Variants in SERGEF observed in about 807,000 individuals in gnomAD.
The protein encoded by SERGEF is secretion regulating guanine nucleotide exchange factor.
Under a neutral mutation model 50.0 loss-of-function variants are expected in SERGEF, and 51 were observed. The observed-to-expected ratio is 1.02, with a 90% confidence interval of 0.81 to 1.29. SERGEF has a LOEUF of 1.29. Among genes scored for constraint, SERGEF ranks in the 50% most tolerant of loss-of-function variants. The pLI is 0.00. For synonymous variants in SERGEF, 205 were observed against 212.4 expected, an observed-to-expected ratio of 0.97 and a Z score of 0.30; for missense variants, 521 against 557.0, an observed-to-expected ratio of 0.94 and a Z score of 0.65.
intron 9 of SERGEF, among the ~76,000 whole-genome samples, chr11:17,930,338 A>C (rs1228426067): frequency 6.6e-6 from 1 of 152,172 alleles, no homozygotes; most frequent in Admixed American, 6.5e-5. Context: ...ATTCTATCAG[A>C]ACTTATCAAA....
chr11:17,999,389 G>GTGCATC, intron 5 of SERGEF: 1 of 315,042 alleles, frequency 3.2e-6, no homozygotes, highest in Non-Finnish European at 6.2e-6. Flanking sequence ...GCAGCTGCAT[G>GTGCATC]TGCATCTGCA....
chr11:17,865,638 AATTT>A (rs1317110577), intron 10 of SERGEF, among the ~76,000 whole-genome samples: 9 of 152,188 alleles, frequency 5.9e-5, no homozygotes, highest in African/African-American at 2.2e-4. Flanking sequence ...TAATAATAAT[AATTT>A]AAGAAATAGA....
chr11:17,907,118 G>A (rs1851861201), intron 9 of SERGEF, among the ~76,000 whole-genome samples: 1 of 143,116 alleles, frequency 7.0e-6, no homozygotes, highest in Admixed American at 7.2e-5. Context: ...AAAACATCCT[G>A]TGAGTCTCTT....
chr11:17,831,044 T>G (rs1331557366), intron 10 of SERGEF, among the ~76,000 whole-genome samples: 2 of 152,198 alleles, frequency 1.3e-5, no homozygotes, highest in African/African-American at 4.8e-5. Context: ...CACGGTAAAC[T>G]GAATATATAA....
At chr11:18,009,567 T>C (rs1346810651) in intron 1 of SERGEF, among the ~76,000 whole-genome samples, 1 of 152,204 alleles carries the variant, frequency 6.6e-6, no homozygotes, top group Non-Finnish European at 1.5e-5. Context: ...ATTTCTTGCC[T>C]TAAAGCAAGG....
intron 10 of SERGEF, among the ~76,000 whole-genome samples, chr11:17,801,729 G>C (rs1192504736): frequency 6.6e-6 from 1 of 152,168 alleles, no homozygotes; most frequent in African/African-American, 2.4e-5. Context: ...GTGAGCCTAA[G>C]AGATGATAAA....
chr11:17,808,760 C>T (rs1849812052), intron 10 of SERGEF, among the ~76,000 whole-genome samples: 2 of 152,220 alleles, frequency 1.3e-5, no homozygotes, highest in African/African-American at 4.8e-5. Context: ...CAGCAGGGGC[C>T]AACTTCGTAG....
chr11:17,830,765 C>T (rs1850294110), intron 10 of SERGEF, among the ~76,000 whole-genome samples: 1 of 148,688 alleles, frequency 6.7e-6, no homozygotes, highest in Non-Finnish European at 1.5e-5. Context: ...AAGGGCAGAC[C>T]TAAACACCTC....
intron 8 of SERGEF, among the ~76,000 whole-genome samples, chr11:17,977,737 T>C (rs988220044): frequency 2.0e-5 from 3 of 151,966 alleles, no homozygotes; most frequent in South Asian, 2.1e-4. Context: ...AATGGGATCA[T>C]TGGCCTTATA....
chr11:17,793,716 C>T (rs144004927), intron 10 of SERGEF, among the ~76,000 whole-genome samples: 10 of 152,368 alleles, frequency 6.6e-5, no homozygotes, highest in African/African-American at 2.2e-4. Flanking sequence ...ACCTGGTTGA[C>T]GGAGATCTGC....
chr11:17,926,270 T>C (rs993784753), intron 9 of SERGEF, among the ~76,000 whole-genome samples: 1 of 151,884 alleles, frequency 6.6e-6, no homozygotes, highest in African/African-American at 2.4e-5. Context: ...TTAGTACAAA[T>C]GATGATGGGG....
At chr11:17,912,809 C>A (rs1851979316) in intron 9 of SERGEF, among the ~76,000 whole-genome samples, 1 of 152,222 alleles carries the variant, frequency 6.6e-6, no homozygotes, top group African/African-American at 2.4e-5. Flanking sequence ...GGCCTCTCGG[C>A]TCCAGCTTCA....
chr11:17,854,642 T>A (rs1469024917), intron 10 of SERGEF, among the ~76,000 whole-genome samples: 1 of 152,246 alleles, frequency 6.6e-6, no homozygotes, highest in Non-Finnish European at 1.5e-5. Flanking sequence ...CTAGCCAGTC[T>A]CCACAGTTGT....
At chr11:17,802,977 G>C (rs934971894) in intron 10 of SERGEF, among the ~76,000 whole-genome samples, 3 of 152,236 alleles carry the variant, frequency 2.0e-5, no homozygotes, top group Non-Finnish European at 2.9e-5. Context: ...CTTAGAAAAG[G>C]TATGAGTATA....
chr11:17,910,325 T>G (rs893228630), intron 9 of SERGEF, among the ~76,000 whole-genome samples: 2 of 152,176 alleles, frequency 1.3e-5, no homozygotes, highest in African/African-American at 4.8e-5. Context: ...CATAGCTCAC[T>G]GTAACCTCAA....
intron 9 of SERGEF, among the ~76,000 whole-genome samples, chr11:17,922,727 T>G (rs1232632894): frequency 1.3e-5 from 2 of 152,228 alleles, no homozygotes; most frequent in Non-Finnish European, 2.9e-5. Context: ...CTGTATGACT[T>G]GCAGTCTCAG....
intron 10 of SERGEF, among the ~76,000 whole-genome samples, chr11:17,807,851 A>G (rs541941539): frequency 6.6e-6 from 1 of 152,166 alleles, no homozygotes; most frequent in Non-Finnish European, 1.5e-5. Context: ...GAGCCTAGCT[A>G]TATGGCAGCC....
chr11:17,951,238 T>G lies in SERGEF; in HGVS notation c.1011+8232A>C, dbSNP rs958729043. Among the ~76,000 whole-genome samples the G allele has an allele frequency of 6.6e-5, 10 of 152,342 alleles. No individual in the cohort carries two copies. The South Asian group carries it at 2.1e-3, about 32-fold the overall frequency. On this transcript the variant is annotated intron_variant, in intron 9 of 10. Coordinates refer to ENST00000265965, the MANE Select transcript of SERGEF (RefSeq NM_012139.4). ...ATGTCATGAACCTAAAAAACAACTT[T>G]TTTTGTACATGTACAGCACATTACA...
intron 9 of SERGEF, among the ~76,000 whole-genome samples, chr11:17,953,261 G>A (rs1852804421): frequency 6.6e-6 from 1 of 152,240 alleles, no homozygotes; most frequent in Non-Finnish European, 1.5e-5. Flanking sequence ...TCCTAAGGCA[G>A]AAACTGTTCC....
Sources: allele counts gnomAD v4.1 joint callset (sites outside exome capture counted in the v4.1 genomes callset), GRCh38; gene constraint gnomAD v4.1.1; transcripts MANE v1.5; gene names NCBI Gene and HGNC (gene_info 2026-07-23, HGNC 2026-07-21).